The following PTK2 variants were observed in gnomAD, a reference collection of about 807,000 sequenced individuals.
PTK2 encodes focal adhesion kinase 1.
A neutral mutation model predicts 150.1 loss-of-function variants in PTK2; 45 were observed. That is an observed-to-expected ratio of 0.30 (90% CI 0.24 to 0.38). PTK2 has a LOEUF of 0.38. PTK2 is among the 10% of genes least tolerant of loss of function. The probability of loss-of-function intolerance (pLI) is 1.00; values close to 1 mark genes in which losing one functional copy is unlikely to be tolerated. For missense variants in PTK2, 919 were observed against 1,307.3 expected, an observed-to-expected ratio of 0.70 and a Z score of 4.58; for synonymous variants, 432 against 449.2, an observed-to-expected ratio of 0.96 and a Z score of 0.48.
intron 2 of PTK2, among the ~76,000 whole-genome samples, chr8:140,925,029 T>A (rs1289486796): frequency 1.3e-5 from 2 of 152,210 alleles, no homozygotes; most frequent in African/African-American, 4.8e-5. Flanking sequence ...TCCCTGGGAA[T>A]GAACTATTAG....
chr8:140,885,143 C>A (rs1483656945), intron 3 of PTK2, among the ~76,000 whole-genome samples: 2 of 152,102 alleles, frequency 1.3e-5, no homozygotes, highest in East Asian at 3.9e-4. Context: ...CTTGTAATGT[C>A]TTTTTAAAAA....
Position 140,871,563 on chromosome 8 carries a change from C to T in PTK2, c.363-7164G>A, listed in dbSNP as rs2100142501. Among the ~76,000 whole-genome samples the T allele has an allele frequency of 2.6e-5, 4 of 152,176 alleles. No individual in the cohort carries two copies. In the South Asian group the frequency reaches 8.3e-4, roughly 32 times the overall value. Reference sequence around the variant, plus strand: ...CCTGTAATCTCAGTACTTTAGGAGACAAAGGCAGGAGGACTGCTTCAGCCC... The same window carrying T: ...CCTGTAATCTCAGTACTTTAGGAGATAAAGGCAGGAGGACTGCTTCAGCCC... On this transcript the variant is annotated intron_variant, in intron 4 of 31. Coordinates refer to ENST00000522684, the Ensembl canonical transcript of PTK2.
intron 12 of PTK2, among the ~76,000 whole-genome samples, chr8:140,798,568 G>T (rs1456483854): frequency 2.0e-5 from 3 of 152,092 alleles, no homozygotes; most frequent in Non-Finnish European, 2.9e-5. Context: ...AGCAAAAAAC[G>T]CTAGCTAATA....
At chr8:140,668,224 G>A (rs201707688) in intron 30 of PTK2, 45 bp downstream of exon 34, 1 of 1,610,008 alleles carries the variant, frequency 6.2e-7, no homozygotes, top group African/African-American at 1.3e-5. Context: ...CAGCTTACAG[G>A]AAACAAGAAC....
intron 4 of PTK2, among the ~76,000 whole-genome samples, chr8:140,866,424 T>C (rs891045471): frequency 6.6e-6 from 1 of 152,214 alleles, no homozygotes; most frequent in Non-Finnish European, 1.5e-5. Flanking sequence ...TGACAGGAAT[T>C]GTGACGAGCA....
At chr8:140,728,587 C>T (rs141002455) in intron 22 of PTK2, among the ~76,000 whole-genome samples, 2 of 152,306 alleles carry the variant, frequency 1.3e-5, no homozygotes, top group African/African-American at 2.4e-5. Context: ...GGCACGATCT[C>T]GGCTCACTGC....
rs113296867 is a variant in PTK2, at chr8:140,730,992, C to T, written c.2030+4259G>A. 4.7e-3 allele frequency among the ~76,000 whole-genome samples: 572 copies of T among 122,240 alleles called. 8 individuals are homozygous for T. The highest frequency in any genetic ancestry group is 0.017 in the African/African-American group (543 of 32,584). 80.2% of individuals were successfully genotyped at this position (122,240 alleles called of 152,430 possible). On this transcript the variant is annotated intron_variant, in intron 22 of 31. Coordinates refer to ENST00000522684, the Ensembl canonical transcript of PTK2. Reference sequence around the variant, plus strand: ...TTTTTTTTTGAGACAAAGTCTCACTCTTGTCTCCCGGGCTGGAGTGCAATG... The same window carrying T: ...TTTTTTTTTGAGACAAAGTCTCACTTTTGTCTCCCGGGCTGGAGTGCAATG...
intron 14 of PTK2, among the ~76,000 whole-genome samples, chr8:140,780,710 A>G (rs1023392688): frequency 6.6e-6 from 1 of 152,254 alleles, no homozygotes; most frequent in Non-Finnish European, 1.5e-5. Context: ...AATCAGGGAT[A>G]TTTGAACACT....
At chr8:140,835,081 T>C (rs966169867) in intron 7 of PTK2, among the ~76,000 whole-genome samples, 23 of 152,166 alleles carry the variant, frequency 1.5e-4, no homozygotes, top group Admixed American at 5.9e-4. Context: ...CTGACTGCCA[T>C]CAGCATTCCC....
exon 1 of PTK2, chr8:141,001,230 G>T: frequency 1.3e-5 from 2 of 148,934 alleles, no homozygotes; most frequent in South Asian, 3.8e-4. Context: ...GGCTCACAGT[G>T]GTCCGGGACC....
chr8:140,940,914 G>A (rs1198492147), intron 1 of PTK2, among the ~76,000 whole-genome samples: 2 of 152,050 alleles, frequency 1.3e-5, no homozygotes, highest in East Asian at 3.9e-4. Flanking sequence ...TGGTTGCAGT[G>A]AGCTGAGACC....
At chr8:140,938,294 G>C (rs2100174421) in intron 1 of PTK2, among the ~76,000 whole-genome samples, 1 of 152,160 alleles carries the variant, frequency 6.6e-6, no homozygotes, top group Non-Finnish European at 1.5e-5. Flanking sequence ...TCAGTATGGA[G>C]CCTTAAACAT....
At chr8:140,845,635 T>C (rs572933040) in intron 7 of PTK2, among the ~76,000 whole-genome samples, 1 of 152,344 alleles carries the variant, frequency 6.6e-6, no homozygotes, top group Non-Finnish European at 1.5e-5. Context: ...TTCCTTTTAG[T>C]GGAATGCTTC....
intron 25 of PTK2, 38 bp from the exon 29 acceptor site, chr8:140,701,060 A>T (rs1389284088): frequency 1.2e-6 from 2 of 1,601,174 alleles, no homozygotes; most frequent in Non-Finnish European, 1.7e-6. Context: ...TCAGTCTCAT[A>T]AGTCTATTCC....
intron 17 of PTK2, chr8:140,750,119 C>T (rs1208648273): frequency 6.6e-6 from 1 of 152,126 alleles, no homozygotes; most frequent in Non-Finnish European, 1.5e-5. Flanking sequence ...ATTGGCCAGG[C>T]CTTCTCTTGT....
intron 2 of PTK2, among the ~76,000 whole-genome samples, chr8:140,911,053 T>G (rs1213185571): frequency 2.6e-5 from 4 of 151,894 alleles, no homozygotes; most frequent in Non-Finnish European, 5.9e-5. Context: ...TAAATTTTTT[T>G]TTTTTTTTTG....
chr8:140,701,063 T>A (rs1469383401), intron 25 of PTK2, 41 bp from the exon 29 acceptor site: 2 of 1,591,516 alleles, frequency 1.3e-6, no homozygotes, highest in Non-Finnish European at 1.7e-6. Context: ...GTCTCATAAG[T>A]CTATTCCTAT....
chr8:140,783,617 C>T (rs753697411), intron 14 of PTK2, among the ~76,000 whole-genome samples: 29 of 152,108 alleles, frequency 1.9e-4, no homozygotes, highest in Non-Finnish European at 3.4e-4. Context: ...TAGAACTTTA[C>T]AGTTTACAAA....
chr8:140,665,801 C>A (rs1263090636), intron 30 of PTK2, among the ~76,000 whole-genome samples: 2 of 152,166 alleles, frequency 1.3e-5, no homozygotes, highest in Admixed American at 1.3e-4. Flanking sequence ...CATATAAAAT[C>A]TTAGTATGTA....
Sources: allele counts gnomAD v4.1 joint callset (sites outside exome capture counted in the v4.1 genomes callset), GRCh38; gene constraint gnomAD v4.1.1; transcripts MANE v1.5; gene names NCBI Gene and HGNC (gene_info 2026-07-23, HGNC 2026-07-21).